The following RAI1 variants were observed in gnomAD, a reference collection of about 807,000 sequenced individuals.
RAI1 encodes retinoic acid induced 1, also known as retinoic acid-induced protein 1.
In RAI1, 9 loss-of-function variants were observed where a neutral mutation model predicts 123.8. The observed-to-expected ratio is 0.07, with a 90% CI of 0.04 to 0.13. The LOEUF is 0.13. RAI1 is among the 10% of genes least tolerant of loss of function. The probability of loss-of-function intolerance (pLI) is 1.00; values close to 1 mark genes in which losing one functional copy is unlikely to be tolerated. For missense variants in RAI1, 2,256 were observed against 2,545.8 expected, an observed-to-expected ratio of 0.89 and a Z score of 2.45; for synonymous variants, 1,231 against 1,127.3, an observed-to-expected ratio of 1.09 and a Z score of -1.84.
intron 2 of RAI1, among the ~76,000 whole-genome samples, chr17:17,726,285 C>T (rs1428088943): frequency 1.3e-5 from 2 of 152,200 alleles, no homozygotes; most frequent in Admixed American, 6.5e-5. Flanking sequence ...CTTTGCCCTG[C>T]TCCCCACCCT....
At chr17:17,683,024 A>G (rs1373892026) in intron 1 of RAI1, among the ~76,000 whole-genome samples, 1 of 152,046 alleles carries the variant, frequency 6.6e-6, no homozygotes, top group Non-Finnish European at 1.5e-5. Flanking sequence ...GCCCGGATTC[A>G]GGGACCCACT....
intron 2 of RAI1, among the ~76,000 whole-genome samples, chr17:17,757,768 T>TTTTA (rs2030502360): frequency 1.8e-4 from 27 of 152,318 alleles, no homozygotes; most frequent in Admixed American, 1.6e-3. Context: ...GAGATACACC[T>TTTTA]GCTCACGCTA....
chr17:17,778,713 A>G (rs1025911484), intron 2 of RAI1: 3 of 456,542 alleles, frequency 6.6e-6, no homozygotes, highest in African/African-American at 6.0e-5. Flanking sequence ...CCCTTTCCGG[A>G]GCAGAGGCCT....
intron 2 of RAI1, among the ~76,000 whole-genome samples, chr17:17,749,678 C>A (rs1207360983): frequency 6.6e-6 from 1 of 152,152 alleles, no homozygotes; most frequent in African/African-American, 2.4e-5. Flanking sequence ...GCCTGGAACT[C>A]TCTCTCCTCC....
chr17:17,734,178 A>T (rs1468220548), intron 2 of RAI1, among the ~76,000 whole-genome samples: 1 of 152,160 alleles, frequency 6.6e-6, no homozygotes, highest in East Asian at 1.9e-4. Context: ...AGGGGTCCAC[A>T]TAGAAGGCAA....
At chr17:17,806,054 C>A (rs185132517) in intron 4 of RAI1, among the ~76,000 whole-genome samples, 6 of 152,384 alleles carry the variant, frequency 3.9e-5, no homozygotes, top group South Asian at 2.1e-4. Context: ...GCCCAGCCCC[C>A]CAAGGGGCTC....
At chr17:17,772,021 CCT>C (rs1221617426) in intron 2 of RAI1, among the ~76,000 whole-genome samples, 2 of 152,210 alleles carry the variant, frequency 1.3e-5, no homozygotes, top group African/African-American at 4.8e-5. Context: ...GTCCCCTTGT[CCT>C]CTCTGGGCCT....
intron 2 of RAI1, among the ~76,000 whole-genome samples, chr17:17,773,466 G>A (rs1189628682): frequency 6.6e-6 from 1 of 152,120 alleles, no homozygotes; most frequent in East Asian, 1.9e-4. Flanking sequence ...TAGCAGACTG[G>A]GAACCAGACC....
In RAI1 at chr17:17,741,089, G is replaced by GCACA. The variant is rs1443643563; in HGVS notation, c.-17+16931_-17+16932insACAC. ...ATGTTAGTATTCAGCACAAGCGCGC[G>GCACA]CGCACACACACACACACACACACTC... On this transcript the variant is annotated intron_variant, in intron 2 of 5. Transcript: ENST00000353383. Among the ~76,000 whole-genome samples the GCACA allele has an allele frequency of 4.0e-3, 600 of 149,546 alleles. 5 individuals carry two copies. Among genetic ancestry groups the GCACA allele is most frequent in the African/African-American group, 0.014 (565 of 39,930 alleles).
At position 17,803,869 on chromosome 17, in the gene RAI1, C is replaced by G. The variant is rs1369490275; in HGVS notation, c.5659+20C>G. On this transcript the variant is annotated intron_variant, in intron 4 of 5. Transcript: ENST00000353383. ...ATGCAGGTACGAGCCCGCCCAGGAA[C>G]AGGAGGGCATTGGAGCCCATCCAAG... The G allele has an allele frequency of 3.7e-6, 6 of 1,607,686 alleles. No homozygotes were observed. In the African/African-American group the frequency reaches 4.0e-5, roughly 11 times the overall value.
In RAI1 at chr17:17,809,080, A is replaced by C; in HGVS notation, c.5660-310A>C. 1 of 462,806 alleles carries C rather than the reference A, an allele frequency of 2.2e-6. No individual in the cohort carries two copies. The allele number at this position is 462,806 out of a possible 1,614,324, so 28.7% of individuals were successfully genotyped here. A position where few individuals can be genotyped will look rare whatever the true frequency, so the allele number is the denominator to read the frequency against. ...CAGTGACAAGTGTGGCTGGCAGAGT[A>C]AGGCGGGAGGGAGGGAGGGACTGAG... On this transcript the variant is annotated intron_variant, in intron 4 of 5. Coordinates refer to ENST00000353383, the MANE Select transcript of RAI1 (RefSeq NM_030665.4). The surrounding 1 kb of genome is among the most constrained non-coding windows in gnomAD (Gnocchi z 4.9).
At chr17:17,746,133 G>A (rs986878744) in intron 2 of RAI1, among the ~76,000 whole-genome samples, 4 of 152,086 alleles carry the variant, frequency 2.6e-5, no homozygotes, top group Non-Finnish European at 4.4e-5. Flanking sequence ...GGCAGCCGGC[G>A]GGGCCTTTGT....
At chr17:17,683,764 C>T (rs1418342506) in intron 1 of RAI1, 1 of 152,266 alleles carries the variant, frequency 6.6e-6, no homozygotes, top group Admixed American at 6.5e-5. Context: ...TTCCCACCAG[C>T]CTAGCATCCC....
chr17:17,808,287 T>A (rs1217260083), intron 4 of RAI1, among the ~76,000 whole-genome samples: 1 of 152,106 alleles, frequency 6.6e-6, no homozygotes, highest in Non-Finnish European at 1.5e-5. Context: ...CTGGCCATGC[T>A]TGGTTGTCCT....
chr17:17,734,477 G>A (rs1278734179), intron 2 of RAI1, among the ~76,000 whole-genome samples: 1 of 152,172 alleles, frequency 6.6e-6, no homozygotes, highest in African/African-American at 2.4e-5. Context: ...TGTTAAGGAG[G>A]TTCCAGTTAA....
chr17:17,737,120 G>A (rs1916456905), intron 2 of RAI1, among the ~76,000 whole-genome samples: 6 of 152,168 alleles, frequency 3.9e-5, no homozygotes, highest in Admixed American at 3.9e-4. Flanking sequence ...GGGAATTTCT[G>A]GGTTAAAATG....
chr17:17,746,204 G>A (rs2029909522), intron 2 of RAI1, among the ~76,000 whole-genome samples: 1 of 152,202 alleles, frequency 6.6e-6, no homozygotes, highest in African/African-American at 2.4e-5. Flanking sequence ...TGCCCCCGGG[G>A]GTGCCACCGT....
intron 1 of RAI1, among the ~76,000 whole-genome samples, chr17:17,696,001 A>G (rs1915018145): frequency 1.3e-5 from 2 of 152,212 alleles, no homozygotes; most frequent in South Asian, 4.1e-4. Context: ...AAAGAGGCTG[A>G]GAATCGGCTA....
chr17:17,791,898 C>T (rs999393919), intron 2 of RAI1, among the ~76,000 whole-genome samples: 1 of 152,142 alleles, frequency 6.6e-6, no homozygotes, highest in Non-Finnish European at 1.5e-5. Flanking sequence ...GCTCTGCAGG[C>T]AGGGGCAGGT....
Sources: gnomAD v4.1 joint callset for allele counts (sites outside exome capture counted in the v4.1 genomes callset) on GRCh38, gnomAD v4.1.1 for gene constraint, Gnocchi (gnomAD v3.1) non-coding constraint, MANE v1.5 for transcripts, NCBI Gene and HGNC (gene_info 2026-07-23, HGNC 2026-07-21) for gene names.